Variants in HACE1 observed in about 807,000 individuals in gnomAD.
The protein encoded by HACE1 is HECT domain and ankyrin repeat containing E3 ubiquitin protein ligase 1.
Under a neutral mutation model 118.4 loss-of-function variants are expected in HACE1, and 73 were observed. The observed-to-expected ratio is 0.62, with a 90% CI of 0.51 to 0.75. The LOEUF (loss-of-function observed/expected upper bound fraction) is 0.75, where lower values mean the gene tolerates loss of function less well. Among genes scored for constraint, HACE1 ranks in the 30% least tolerant of loss-of-function variants. HACE1 has a pLI of 0.00. For synonymous variants in HACE1, 368 were observed against 374.8 expected (o/e 0.98, Z 0.21); for missense variants, 749 against 1,102.2 (o/e 0.68, Z 4.54).
chr6:104,820,549 AAAG>A (rs1772606909), intron 6 of HACE1, among the ~76,000 whole-genome samples: 1 of 152,242 alleles, frequency 6.6e-6, no homozygotes. Context: ...ACACTTCTCA[AAAG>A]AAGACATATA....
rs199678020 is a variant in HACE1, at chr6:104,734,163, G to T, written c.2514-3747C>A. ...TCCTCAAAAAAAAAAAAAAAAAAAA[G>T]AAATCATCAAGTCTGATTCTTAAGG... On this transcript the variant is annotated intron_variant, in intron 22 of 23. Coordinates refer to ENST00000262903, the MANE Select transcript of HACE1 (RefSeq NM_020771.4). Among the ~76,000 whole-genome samples, 22 of 107,140 alleles carry T rather than the reference G, an allele frequency of 2.1e-4. No individual in the cohort carries two copies. The East Asian group carries it at 3.2e-3, about 16-fold the overall frequency. The allele number at this position is 107,140 out of a possible 152,430, so 70.3% of individuals were successfully genotyped here. A position where few individuals can be genotyped will look rare whatever the true frequency, so the allele number is the denominator to read the frequency against.
Position 104,730,398 on chromosome 6 carries a change from AC to A in HACE1, c.2531del (p.Gly844ValfsTer96). 2 of 1,523,728 alleles carry A rather than the reference AC, an allele frequency of 1.3e-6. No individual in the cohort carries two copies. The highest frequency in any genetic ancestry group is 1.8e-6 in the Non-Finnish European group (2 of 1,097,440). 94.4% of individuals were successfully genotyped at this position (1,523,728 alleles called of 1,614,324 possible). On this transcript the variant is annotated frameshift_variant, in exon 23 of 24. Coordinates refer to ENST00000262903, the MANE Select transcript of HACE1 (RefSeq NM_020771.4). LOFTEE classifies it high-confidence loss of function. ...FVTGSSRVPH[G>X]GFANIMGGSG... is the part of the protein sequence containing the mutation. ...TTCCACCCATGATATTAGCAAACCC[AC>A]CATGTGGGACCCTGGAACTAAGAGT...
intron 10 of HACE1, among the ~76,000 whole-genome samples, chr6:104,793,266 CAA>C (rs397887197): frequency 1.3e-4 from 12 of 92,850 alleles, no homozygotes; most frequent in Non-Finnish European, 1.6e-4. Context: ...GACTACATCT[CAA>C]AAAAAAAAAA....
intron 6 of HACE1, among the ~76,000 whole-genome samples, chr6:104,826,193 C>T (rs138295108): frequency 4.9e-4 from 74 of 152,292 alleles, no homozygotes; most frequent in African/African-American, 1.6e-3. Flanking sequence ...CTGTGGAAAA[C>T]TTGTCTTCCA....
At chr6:104,752,132 C>A (rs1369882512) in intron 19 of HACE1, among the ~76,000 whole-genome samples, 1 of 152,084 alleles carries the variant, frequency 6.6e-6, no homozygotes, top group Non-Finnish European at 1.5e-5. Flanking sequence ...ACAAGGAAAG[C>A]TACCATCTCT....
chr6:104,859,881 C>T lies in HACE1; in HGVS notation c.-239G>A, dbSNP rs1480027087. On this transcript the variant is annotated 5_prime_UTR_variant, in exon 1 of 24. Transcript: ENST00000262903. The stretch of plus-strand genomic sequence containing the variant: ...CCTCTGCTCGCGCCTTTCCTGCAGC[C>T]CCCGCCGCCGCGTCCCTCCCGGGCT... 1.0e-5 allele frequency: 5 copies of T among 483,652 alleles called. No individual in the cohort carries two copies. The highest frequency in any genetic ancestry group is 2.1e-5 in the African/African-American group (1 of 48,142). The allele number at this position is 483,652 out of a possible 1,614,324, so 30.0% of individuals were successfully genotyped here.
chr6:104,813,403 A>G (rs1231477762), intron 6 of HACE1, among the ~76,000 whole-genome samples: 1 of 138,558 alleles, frequency 7.2e-6, no homozygotes, highest in Non-Finnish European at 1.6e-5. Context: ...CTCTAAAAAG[A>G]AACAAAAATT....
chr6:104,819,085 A>G (rs944565458), intron 6 of HACE1, among the ~76,000 whole-genome samples: 2 of 152,256 alleles, frequency 1.3e-5, no homozygotes, highest in African/African-American at 4.8e-5. Context: ...AAATAGCAAG[A>G]AAAGAAGTCA....
chr6:104,775,618 C>T (rs1029747616), intron 17 of HACE1, among the ~76,000 whole-genome samples: 4 of 152,174 alleles, frequency 2.6e-5, no homozygotes, highest in Non-Finnish European at 5.9e-5. Flanking sequence ...CATGACTTCA[C>T]TGAACTCGTC....
intron 22 of HACE1, among the ~76,000 whole-genome samples, chr6:104,738,296 C>G (rs1378279842): frequency 6.6e-6 from 1 of 152,108 alleles, no homozygotes; most frequent in Non-Finnish European, 1.5e-5. Context: ...TCCTCACCAG[C>G]AACGGAACAA....
rs539737209 is a variant in HACE1, at chr6:104,739,289, C to G, written c.2513+4871G>C. Among the ~76,000 whole-genome samples the G allele has an allele frequency of 4.1e-4, 63 of 152,138 alleles. No individual in the cohort carries two copies. The South Asian group carries it at 0.013, about 31-fold the overall frequency. ...AACAAAATAACCAGCTAACATCATACTGACAGGATCAAATTCACACATAAC... is the reference window on the plus strand; with the variant it reads ...AACAAAATAACCAGCTAACATCATAGTGACAGGATCAAATTCACACATAAC... On this transcript the variant is annotated intron_variant, in intron 22 of 23. Transcript: ENST00000262903.
chr6:104,785,980 C>G (rs1294650921), intron 11 of HACE1: 3 of 151,954 alleles, frequency 2.0e-5, no homozygotes, highest in Non-Finnish European at 4.4e-5. Context: ...AGACACAATC[C>G]ATTTCTAATA....
At position 104,796,926 on chromosome 6, in the gene HACE1, C is replaced by T. The variant is rs376841168; in HGVS notation, c.714+3G>A. The T allele has an allele frequency of 1.7e-5, 26 of 1,492,118 alleles. No homozygotes were observed. The African/African-American group carries it at 3.3e-4, about 19-fold the overall frequency. The allele number at this position is 1,492,118 out of a possible 1,614,324, so 92.4% of individuals were successfully genotyped here. On this transcript the variant is annotated splice_donor_region_variant and intron_variant, in intron 8 of 23. Coordinates refer to ENST00000262903, the MANE Select transcript of HACE1 (RefSeq NM_020771.4). ...GGGCTCAGAATATAAATGAAAAACA[C>T]ACCTGTACACATAAATCCAGAGGAG...
At chr6:104,838,236 T>C (rs367929560) in intron 5 of HACE1, among the ~76,000 whole-genome samples, 2 of 152,112 alleles carry the variant, frequency 1.3e-5, no homozygotes, top group African/African-American at 2.4e-5. Flanking sequence ...TCACAAAAGA[T>C]CTAGAATAGC....
At chr6:104,823,771 AGAT>A (rs1157651316) in intron 6 of HACE1, among the ~76,000 whole-genome samples, 1 of 151,768 alleles carries the variant, frequency 6.6e-6, no homozygotes, top group African/African-American at 2.4e-5. Context: ...AAAAAAAAAA[AGAT>A]GTTTGCTGGC....
intron 5 of HACE1, among the ~76,000 whole-genome samples, chr6:104,833,616 A>G (rs75695598): frequency 0.034 from 5,211 of 152,230 alleles, 282 homozygotes; most frequent in African/African-American, 0.12. Context: ...AGTTGAGGCA[A>G]GAGGATTGCT....
chr6:104,763,953 G>C (rs1432901929), intron 19 of HACE1, among the ~76,000 whole-genome samples: 1 of 152,088 alleles, frequency 6.6e-6, no homozygotes, highest in Non-Finnish European at 1.5e-5. Flanking sequence ...GAGAGGCTAA[G>C]GCAGAACTGC....
chr6:104,766,610 A>G (rs114448623), intron 19 of HACE1, among the ~76,000 whole-genome samples: 24 of 152,344 alleles, frequency 1.6e-4, no homozygotes, highest in African/African-American at 5.8e-4. Flanking sequence ...GACTAGCAAT[A>G]AAACCATATT....
intron 22 of HACE1, among the ~76,000 whole-genome samples, chr6:104,737,459 C>T (rs992640115): frequency 1.3e-5 from 2 of 152,088 alleles, no homozygotes; most frequent in Non-Finnish European, 2.9e-5. Context: ...GGGCGCAGGT[C>T]AGTGGGTGTG....
Sources: allele counts gnomAD v4.1 joint callset (sites outside exome capture counted in the v4.1 genomes callset), GRCh38; gene constraint gnomAD v4.1.1; transcripts MANE v1.5; gene names NCBI Gene and HGNC (gene_info 2026-07-23, HGNC 2026-07-21).